The following SBF2 variants were observed in gnomAD, a reference collection of about 807,000 sequenced individuals.
SBF2 encodes the protein myotubularin-related protein 13.
In SBF2, 112 loss-of-function variants were observed where a neutral mutation model predicts 225.2. That is an observed-to-expected ratio of 0.50 (90% CI 0.43 to 0.58). SBF2 has a LOEUF of 0.58. SBF2 is among the 20% of genes least tolerant of loss of function. The probability of loss-of-function intolerance (pLI) is 0.00; values close to 1 mark genes in which losing one functional copy is unlikely to be tolerated. For synonymous variants in SBF2, 763 were observed against 773.3 expected (o/e 0.99, Z 0.22); for missense variants, 1,996 against 2,206.2 (o/e 0.90, Z 1.91).
intron 1 of SBF2, among the ~76,000 whole-genome samples, chr11:10,221,783 A>T (rs948386548): frequency 6.6e-6 from 1 of 152,216 alleles, no homozygotes; most frequent in African/African-American, 2.4e-5. Context: ...CAGTACTTGG[A>T]AGAGTATGGT....
At chr11:10,196,866 A>ATATGTATTTTTTT in intron 1 of SBF2, among the ~76,000 whole-genome samples, 1 of 99,316 alleles carries the variant, frequency 1.0e-5, no homozygotes, top group African/African-American at 4.0e-5. Flanking sequence ...ATATATATAT[A>ATATGTATTTTTTT]TTTTTTTTTT....
chr11:9,792,067 A>G (rs1010806242), intron 33 of SBF2, among the ~76,000 whole-genome samples: 1 of 152,230 alleles, frequency 6.6e-6, no homozygotes, highest in Non-Finnish European at 1.5e-5. Flanking sequence ...CCAGTATGTA[A>G]TAATCAACAT....
chr11:10,006,337 C>T (rs1948188593), intron 6 of SBF2, among the ~76,000 whole-genome samples: 1 of 152,178 alleles, frequency 6.6e-6, no homozygotes, highest in African/African-American at 2.4e-5. Flanking sequence ...ACCTCTAATC[C>T]TGCCTCTGTC....
chr11:10,031,276 A>C, intron 3 of SBF2, 106 bp from the exon 4 acceptor site: 1 of 1,059,152 alleles, frequency 9.4e-7, no homozygotes, highest in Non-Finnish European at 1.4e-6. Context: ...ATTCAAAATT[A>C]ATTATAATAT....
chr11:9,787,585 C>T, intron 36 of SBF2, 49 bp downstream of exon 36: 1 of 1,511,790 alleles, frequency 6.6e-7, no homozygotes, highest in Non-Finnish European at 9.2e-7. Flanking sequence ...CCTGACTTAG[C>T]ACCCTCAGAA....
chr11:10,088,323 C>A (rs978763211), intron 2 of SBF2, among the ~76,000 whole-genome samples: 2 of 152,168 alleles, frequency 1.3e-5, no homozygotes, highest in African/African-American at 4.8e-5. Flanking sequence ...CCATGCCCAG[C>A]CCTCTGCAAA....
rs146108961 is a variant in SBF2, at chr11:10,015,871, C to T, written c.619+12581G>A. ...AGGCTGTAGTGCAATGGCACGATTT[C>T]GGCTCACTGCAACCTCTGCCTCCCG... On this transcript the variant is annotated intron_variant, in intron 6 of 39. Coordinates refer to ENST00000256190, the MANE Select transcript of SBF2 (RefSeq NM_030962.4). Among the ~76,000 whole-genome samples the T allele has an allele frequency of 3.8e-3, 582 of 152,014 alleles. 2 individuals are homozygous for T. Among genetic ancestry groups the T allele is most frequent in the African/African-American group, 0.013 (556 of 41,484 alleles).
At chr11:9,927,020 G>T (rs1196052704) in intron 16 of SBF2, among the ~76,000 whole-genome samples, 4 of 151,898 alleles carry the variant, frequency 2.6e-5, no homozygotes, top group Non-Finnish European at 5.9e-5. Flanking sequence ...GATAAAAAGG[G>T]GAGACAACAC....
chr11:10,002,719 T>G, intron 6 of SBF2, 30 bp from the exon 7 acceptor site: 1 of 1,606,844 alleles, frequency 6.2e-7, no homozygotes, highest in Non-Finnish European at 8.5e-7. Flanking sequence ...GACTTACAAA[T>G]GCATTTAATT....
chr11:9,882,563 C>T (rs796619502), intron 17 of SBF2, among the ~76,000 whole-genome samples: 10 of 152,218 alleles, frequency 6.6e-5, no homozygotes, highest in Admixed American at 2.0e-4. Context: ...AATCCCAGCA[C>T]TTTGGGAGGC....
chr11:10,005,095 C>A (rs988065383), intron 6 of SBF2, among the ~76,000 whole-genome samples: 3 of 152,192 alleles, frequency 2.0e-5, no homozygotes, highest in Non-Finnish European at 4.4e-5. Flanking sequence ...TTGGTCATAG[C>A]TGATGCCACA....
chr11:9,851,741 A>G (rs1378069915), intron 21 of SBF2, among the ~76,000 whole-genome samples: 1 of 152,028 alleles, frequency 6.6e-6, no homozygotes, highest in African/African-American at 2.4e-5. Flanking sequence ...CCTTCCGCTC[A>G]CTCCTTTGAC....
At chr11:9,893,338 GT>G (rs1860992150) in intron 17 of SBF2, among the ~76,000 whole-genome samples, 2 of 152,206 alleles carry the variant, frequency 1.3e-5, no homozygotes, top group South Asian at 4.1e-4. Flanking sequence ...TAACCCCTCT[GT>G]TATCAATGCA....
intron 1 of SBF2, among the ~76,000 whole-genome samples, chr11:10,205,386 C>A (rs1278984310): frequency 6.6e-6 from 1 of 151,804 alleles, no homozygotes. Context: ...TAAGTATAAG[C>A]CTATAAATAA....
chr11:10,168,751 G>C (rs1433053786), intron 2 of SBF2, among the ~76,000 whole-genome samples: 3 of 152,058 alleles, frequency 2.0e-5, no homozygotes, highest in Non-Finnish European at 2.9e-5. Flanking sequence ...CTGCTTCTTT[G>C]GCTTGTCAGA....
intron 2 of SBF2, among the ~76,000 whole-genome samples, chr11:10,173,727 G>C (rs1349883661): frequency 6.6e-6 from 1 of 151,328 alleles, no homozygotes; most frequent in Non-Finnish European, 1.5e-5. Flanking sequence ...CAAACAAAAA[G>C]ACAGCAGGAA....
chr11:10,124,941 C>G (rs929408212), intron 2 of SBF2, among the ~76,000 whole-genome samples: 3 of 151,910 alleles, frequency 2.0e-5, no homozygotes, highest in Middle Eastern at 3.4e-3. Context: ...CCCGTCTCTA[C>G]TAAAAGTACA....
intron 2 of SBF2, among the ~76,000 whole-genome samples, chr11:10,163,555 G>A (rs2135218693): frequency 6.6e-6 from 1 of 152,236 alleles, no homozygotes; most frequent in South Asian, 2.1e-4. Flanking sequence ...AGCACTTGAT[G>A]TGTATTAAGT....
intron 27 of SBF2, chr11:9,829,808 C>G: frequency 2.6e-5 from 9 of 352,728 alleles, no homozygotes; most frequent in South Asian, 2.5e-4. Context: ...AAGCACAGGG[C>G]ATAGCTTCTC....
Sources: allele counts gnomAD v4.1 joint callset (sites outside exome capture counted in the v4.1 genomes callset), GRCh38; gene constraint gnomAD v4.1.1; transcripts MANE v1.5; gene names NCBI Gene and HGNC (gene_info 2026-07-23, HGNC 2026-07-21).